The following NEDD4 variants were observed in gnomAD, a reference collection of about 807,000 sequenced individuals.
NEDD4 encodes E3 ubiquitin-protein ligase NEDD4.
NEDD4 carries 99 observed loss-of-function variants against 144.9 expected under a neutral mutation model. The observed-to-expected ratio is 0.68, with a 90% CI of 0.58 to 0.81. The LOEUF (loss-of-function observed/expected upper bound fraction) is 0.81, where lower values mean the gene tolerates loss of function less well. NEDD4 is among the 30% of genes least tolerant of loss of function. The pLI, the probability that NEDD4 is intolerant of heterozygous loss-of-function variation, is 0.00. For missense variants in NEDD4, 985 were observed against 1,065.9 expected (o/e 0.92, Z 1.06); for synonymous variants, 318 against 350.6 (o/e 0.91, Z 1.04).
Position 55,993,500 on chromosome 15 carries a change from G to T in NEDD4, c.45+11C>A. The T allele has an allele frequency of 6.3e-7, 1 of 1,594,738 alleles. No individual in the cohort carries two copies. Among genetic ancestry groups the T allele is most frequent in the Non-Finnish European group, 8.5e-7 (1 of 1,173,074 alleles). ...AGGGAAGCCCGCCCCGCAGCCCCGC[G>T]GTCCCCGCACCTCGTCCTCCAGGAG... is the stretch of plus-strand genomic sequence containing the variant. On this transcript the variant is annotated intron_variant, in intron 1 of 28. Coordinates refer to ENST00000435532, the MANE Select transcript of NEDD4 (RefSeq NM_006154.4).
At chr15:55,906,664 G>C (rs1170380488) in intron 5 of NEDD4, among the ~76,000 whole-genome samples, 11 of 152,188 alleles carry the variant, frequency 7.2e-5, no homozygotes, top group African/African-American at 2.4e-4. Context: ...GATAGCATTA[G>C]GTGATATACT....
At chr15:55,967,439 G>GTT (rs2037532366) in intron 1 of NEDD4, among the ~76,000 whole-genome samples, 1 of 93,054 alleles carries the variant, frequency 1.1e-5, no homozygotes, top group Non-Finnish European at 2.2e-5. Context: ...ACATAACTAT[G>GTT]CTGTGTGTGT....
At chr15:55,924,624 A>G in intron 5 of NEDD4, 22 bp downstream of exon 5, 1 of 1,595,422 alleles carries the variant, frequency 6.3e-7, no homozygotes, top group Non-Finnish European at 8.6e-7. Context: ...TTCATATTTC[A>G]TATAAGCACA....
At position 55,872,491 on chromosome 15, in the gene NEDD4, T is replaced by C; in HGVS notation, c.343-15A>G. The C allele has an allele frequency of 7.5e-7, 1 of 1,333,094 alleles. No individual in the cohort carries two copies. Among genetic ancestry groups the C allele is most frequent in the Non-Finnish European group, 1.0e-6 (1 of 987,374 alleles). 82.6% of individuals were successfully genotyped at this position (1,333,094 alleles called of 1,614,324 possible). On this transcript the variant is annotated splice_polypyrimidine_tract_variant and intron_variant, in intron 6 of 28. Coordinates refer to ENST00000435532, the MANE Select transcript of NEDD4 (RefSeq NM_006154.4). The stretch of plus-strand genomic sequence containing the variant: ...GGATTTTCTGTCTAGAATAAAATAG[T>C]GGGTTTTCAAAATATATCTATAACA...
At chr15:55,939,147 A>G (rs1340837906) in intron 4 of NEDD4, among the ~76,000 whole-genome samples, 2 of 150,370 alleles carry the variant, frequency 1.3e-5, no homozygotes, top group Non-Finnish European at 3.0e-5. Context: ...CACCACCAAC[A>G]ATAATATGGT....
intron 4 of NEDD4, among the ~76,000 whole-genome samples, chr15:55,950,194 A>G (rs1395409690): frequency 1.3e-5 from 2 of 152,154 alleles, no homozygotes; most frequent in African/African-American, 2.4e-5. Context: ...AATTGATTCA[A>G]TACCATTTCC....
At chr15:55,962,659 C>G (rs774922061) in intron 2 of NEDD4, among the ~76,000 whole-genome samples, 7 of 151,636 alleles carry the variant, frequency 4.6e-5, no homozygotes, top group Non-Finnish European at 1.0e-4. Flanking sequence ...GCCCAGGCTA[C>G]TCTCGAACTC....
chr15:55,877,124 A>T (rs2035022279), intron 5 of NEDD4, among the ~76,000 whole-genome samples: 1 of 152,224 alleles, frequency 6.6e-6, no homozygotes, highest in South Asian at 2.1e-4. Flanking sequence ...CCATATTATG[A>T]TGATCAAAAC....
intron 24 of NEDD4, 83 bp downstream of exon 24, chr15:55,837,706 C>A: frequency 1.2e-6 from 1 of 862,668 alleles, no homozygotes; most frequent in South Asian, 1.8e-5. Flanking sequence ...ACTTATTTTT[C>A]TCAGATGTGA....
At chr15:55,902,685 T>C (rs1595820242) in intron 5 of NEDD4, among the ~76,000 whole-genome samples, 1 of 152,220 alleles carries the variant, frequency 6.6e-6, no homozygotes, top group Non-Finnish European at 1.5e-5. Flanking sequence ...ATAATATAGG[T>C]AGTTTATAAC....
chr15:55,863,346 A>G (rs1343263798), intron 8 of NEDD4, among the ~76,000 whole-genome samples: 1 of 152,172 alleles, frequency 6.6e-6, no homozygotes, highest in Non-Finnish European at 1.5e-5. Context: ...CAAGCCTGTA[A>G]AGTTTCCACC....
Position 55,918,913 on chromosome 15 carries a change from G to A in NEDD4, c.291+5733C>T, listed in dbSNP as rs779668357. On this transcript the variant is annotated intron_variant, in intron 5 of 28. Transcript: ENST00000435532. ...CAGCGTTCTTTCTGGGATTAAGTGTGGGGTCTAATAACTCAAAGAATGAAT... is the reference window on the plus strand; with the variant it reads ...CAGCGTTCTTTCTGGGATTAAGTGTAGGGTCTAATAACTCAAAGAATGAAT... Among the ~76,000 whole-genome samples the A allele has an allele frequency of 6.8e-4, 104 of 152,036 alleles. 1 individual carries two copies. The highest frequency in any genetic ancestry group is 1.0e-3 in the Non-Finnish European group (70 of 67,986).
intron 1 of NEDD4, among the ~76,000 whole-genome samples, chr15:55,985,632 T>C (rs1480818651): frequency 2.0e-5 from 3 of 152,188 alleles, no homozygotes; most frequent in Non-Finnish European, 4.4e-5. Flanking sequence ...ATAAAGGAAC[T>C]CAGGTATTAG....
intron 2 of NEDD4, among the ~76,000 whole-genome samples, chr15:55,953,783 C>T (rs529170681): frequency 6.6e-6 from 1 of 152,278 alleles, no homozygotes; most frequent in South Asian, 2.1e-4. Context: ...TGCAATGGCA[C>T]GATCTCGGCT....
chr15:55,842,990 A>T (rs1467674253), intron 18 of NEDD4, among the ~76,000 whole-genome samples: 2 of 152,148 alleles, frequency 1.3e-5, no homozygotes, highest in Non-Finnish European at 2.9e-5. Flanking sequence ...ACCTGGTGGG[A>T]GGTGATTGAA....
intron 5 of NEDD4, among the ~76,000 whole-genome samples, chr15:55,901,739 T>C (rs1566941214): frequency 6.6e-6 from 1 of 152,124 alleles, no homozygotes; most frequent in East Asian, 1.9e-4. Context: ...TTTGTACATA[T>C]AAAAAACAAT....
At chr15:55,973,648 T>C (rs2037651865) in intron 1 of NEDD4, among the ~76,000 whole-genome samples, 1 of 151,910 alleles carries the variant, frequency 6.6e-6, no homozygotes, top group African/African-American at 2.4e-5. Flanking sequence ...TACAAACAAA[T>C]GGAAATTAAA....
intron 17 of NEDD4, 59 bp downstream of exon 17, chr15:55,848,313 C>G (rs2033832985): frequency 6.5e-7 from 1 of 1,530,902 alleles, no homozygotes; most frequent in East Asian, 2.2e-5. Context: ...TGACTATCTG[C>G]TCTTGAAGAG....
intron 4 of NEDD4, among the ~76,000 whole-genome samples, chr15:55,947,934 G>C (rs1428179773): frequency 6.6e-6 from 1 of 152,102 alleles, no homozygotes; most frequent in African/African-American, 2.4e-5. Context: ...TCAACATAGT[G>C]TTAGAAGTTC....
Sources: gnomAD v4.1 joint callset for allele counts (sites outside exome capture counted in the v4.1 genomes callset) on GRCh38, gnomAD v4.1.1 for gene constraint, MANE v1.5 for transcripts, NCBI Gene and HGNC (gene_info 2026-07-23, HGNC 2026-07-21) for gene names.